Variants in IMPG1 observed in about 807,000 individuals in gnomAD.
The protein encoded by IMPG1 is interphotoreceptor matrix proteoglycan 1.
IMPG1 carries 85 observed loss-of-function variants against 92.0 expected under a neutral mutation model. The observed-to-expected ratio is 0.92, with a 90% confidence interval of 0.78 to 1.11. IMPG1 has a LOEUF of 1.11. IMPG1 is among the 50% of genes least tolerant of loss of function. IMPG1 has a pLI of 0.00. For synonymous variants in IMPG1, 367 were observed against 334.1 expected, an observed-to-expected ratio of 1.10 and a Z score of -1.08; for missense variants, 1,022 against 956.0, an observed-to-expected ratio of 1.07 and a Z score of -0.91.
intron 12 of IMPG1, among the ~76,000 whole-genome samples, chr6:75,977,784 G>C (rs1782563959): frequency 6.6e-6 from 1 of 150,786 alleles, no homozygotes; most frequent in Non-Finnish European, 1.5e-5. Context: ...TTTCTAAGCA[G>C]GAACTCTAAA....
At chr6:75,926,533 T>C (rs563022065) in intron 15 of IMPG1, among the ~76,000 whole-genome samples, 2 of 152,288 alleles carry the variant, frequency 1.3e-5, no homozygotes, top group South Asian at 4.1e-4. Context: ...ACTGAAACTG[T>C]CCCCTATATT....
At chr6:76,015,817 A>G (rs1582105737) in intron 7 of IMPG1, among the ~76,000 whole-genome samples, 1 of 150,838 alleles carries the variant, frequency 6.6e-6, no homozygotes, top group African/African-American at 2.4e-5. Context: ...AAAAAAAAAA[A>G]AAAAAAAGAA....
intron 12 of IMPG1, among the ~76,000 whole-genome samples, chr6:75,964,619 C>T (rs1339633801): frequency 7.1e-6 from 1 of 140,842 alleles, no homozygotes; most frequent in Non-Finnish European, 1.5e-5. Context: ...AGACGTTGCA[C>T]TGAGCTGAGA....
intron 2 of IMPG1, among the ~76,000 whole-genome samples, chr6:76,038,042 A>T (rs1199026826): frequency 6.6e-6 from 1 of 152,188 alleles, no homozygotes; most frequent in Non-Finnish European, 1.5e-5. Flanking sequence ...ATCATAACTG[A>T]TGCAGACAGA....
intron 10 of IMPG1, 141 bp downstream of exon 10, chr6:76,005,146 A>G: frequency 1.2e-6 from 1 of 808,112 alleles, no homozygotes; most frequent in Non-Finnish European, 2.0e-6. Flanking sequence ...AAAAGCTAGA[A>G]ATGATACCAT....
At chr6:75,929,542 A>C (rs1172296777) in intron 15 of IMPG1, among the ~76,000 whole-genome samples, 2 of 101,740 alleles carry the variant, frequency 2.0e-5, no homozygotes, top group Non-Finnish European at 3.7e-5. Flanking sequence ...CACACAGGGG[A>C]CTGTTGTGGG....
At chr6:75,954,722 T>G (rs768986836) in intron 12 of IMPG1, among the ~76,000 whole-genome samples, 8 of 152,234 alleles carry the variant, frequency 5.3e-5, no homozygotes, top group Non-Finnish European at 1.0e-4. Context: ...GCCTAGGTTT[T>G]CTTCTAGGGT....
At chr6:75,924,489 A>ATAATATAATTATATAATATAAT (rs1300306590) in intron 15 of IMPG1, among the ~76,000 whole-genome samples, 7 of 80,840 alleles carry the variant, frequency 8.7e-5, no homozygotes, top group Admixed American at 2.0e-4. Context: ...ATATTATAAT[A>ATAATATAATTATATAATATAAT]TAATATAATT....
chr6:76,011,126 G>A, intron 8 of IMPG1, 40 bp downstream of exon 8: 1 of 1,073,216 alleles, frequency 9.3e-7, no homozygotes, highest in Non-Finnish European at 1.4e-6. Flanking sequence ...TAGGAAGAAA[G>A]TAATTTAAAA....
rs1385601882 is a variant in IMPG1, at chr6:75,974,359, C to CTT, written c.1292-23267_1292-23266dup. ...TCTTTCTTTCTTTCTTTCTTTCTTTCTTTCTTTCTTTCTTTCTTTCTTTCT... is the reference window on the plus strand; with the variant it reads ...TCTTTCTTTCTTTCTTTCTTTCTTTCTTTTTCTTTCTTTCTTTCTTTCTTTCT... On this transcript the variant is annotated intron_variant, in intron 12 of 16. Transcript: ENST00000369950. Among the ~76,000 whole-genome samples, 74 of 111,976 alleles carry CTT rather than the reference C, an allele frequency of 6.6e-4. No homozygotes were observed. In the East Asian group the frequency reaches 0.017, roughly 25 times the overall value. 73.5% of individuals were successfully genotyped at this position (111,976 alleles called of 152,430 possible).
At chr6:76,000,959 T>C (rs549606138) in intron 12 of IMPG1, among the ~76,000 whole-genome samples, 1 of 152,232 alleles carries the variant, frequency 6.6e-6, no homozygotes, top group Non-Finnish European at 1.5e-5. Flanking sequence ...GTATAATAGA[T>C]GTAGAAAACT....
intron 9 of IMPG1, 70 bp downstream of exon 9, chr6:76,007,410 T>G: frequency 8.6e-7 from 1 of 1,161,544 alleles, no homozygotes; most frequent in East Asian, 2.4e-5. Context: ...AAATTATTTG[T>G]GCAAAATCAG....
intron 12 of IMPG1, among the ~76,000 whole-genome samples, chr6:75,980,923 C>T (rs1782617025): frequency 6.6e-6 from 1 of 152,190 alleles, no homozygotes; most frequent in Admixed American, 6.5e-5. Context: ...TCCAGACCTA[C>T]TAAGTCAGTA....
chr6:75,942,760 A>G (rs1225120447), intron 14 of IMPG1, among the ~76,000 whole-genome samples: 2 of 152,212 alleles, frequency 1.3e-5, no homozygotes, highest in African/African-American at 4.8e-5. Flanking sequence ...TAGCTGTCAT[A>G]TTGCTAGATT....
intron 14 of IMPG1, among the ~76,000 whole-genome samples, chr6:75,946,562 T>A (rs1781932551): frequency 6.6e-6 from 1 of 152,174 alleles, no homozygotes; most frequent in Admixed American, 6.5e-5. Context: ...ATTTTGAAAC[T>A]AATGGTAAAA....
At chr6:76,050,964 G>T (rs1582131119) in intron 1 of IMPG1, among the ~76,000 whole-genome samples, 3 of 152,052 alleles carry the variant, frequency 2.0e-5, no homozygotes, top group African/African-American at 7.2e-5. Flanking sequence ...TAGGGGAAAA[G>T]GTCTCAATGT....
intron 12 of IMPG1, among the ~76,000 whole-genome samples, chr6:75,952,339 T>C (rs1368474294): frequency 6.6e-6 from 1 of 152,172 alleles, no homozygotes; most frequent in African/African-American, 2.4e-5. Context: ...ATATAATCTC[T>C]GGACTCTCAG....
chr6:76,014,000 G>A (rs951153399), intron 7 of IMPG1, among the ~76,000 whole-genome samples: 7 of 152,160 alleles, frequency 4.6e-5, no homozygotes, highest in Non-Finnish European at 1.0e-4. Context: ...AGTGATGAAG[G>A]TAGCTCAGCT....
intron 1 of IMPG1, among the ~76,000 whole-genome samples, chr6:76,051,991 A>G (rs927710613): frequency 2.6e-5 from 4 of 152,142 alleles, no homozygotes; most frequent in African/African-American, 7.2e-5. Context: ...AAGAAAAAAA[A>G]AAAGAAAGAA....
Sources: gnomAD v4.1 joint callset for allele counts (sites outside exome capture counted in the v4.1 genomes callset) on GRCh38, gnomAD v4.1.1 for gene constraint, MANE v1.5 for transcripts, NCBI Gene and HGNC (gene_info 2026-07-23, HGNC 2026-07-21) for gene names.